The following NIM1K variants were observed in gnomAD, a reference collection of about 807,000 sequenced individuals.
NIM1K encodes the protein serine/threonine-protein kinase NIM1.
A neutral mutation model predicts 37.1 loss-of-function variants in NIM1K; 35 were observed. That is an observed-to-expected ratio of 0.94 (90% CI 0.72 to 1.25). The LOEUF (loss-of-function observed/expected upper bound fraction) is 1.25. Ranked by LOEUF, NIM1K falls within the 50% of genes most tolerant of loss-of-function variation. NIM1K has a pLI of 0.00. For missense variants in NIM1K, 564 were observed against 548.0 expected, an observed-to-expected ratio of 1.03 and a Z score of -0.29; for synonymous variants, 234 against 206.6, an observed-to-expected ratio of 1.13 and a Z score of -1.14.
At chr5:43,267,893 CCA>C (rs1482291139) in intron 2 of NIM1K, among the ~76,000 whole-genome samples, 6 of 152,100 alleles carry the variant, frequency 3.9e-5, no homozygotes, top group Admixed American at 3.3e-4. Flanking sequence ...GGAATATATT[CCA>C]TGTGCTGATG....
At chr5:43,211,704 C>T (rs772377034) in intron 1 of NIM1K, among the ~76,000 whole-genome samples, 1 of 152,170 alleles carries the variant, frequency 6.6e-6, no homozygotes, top group Non-Finnish European at 1.5e-5. Flanking sequence ...AGAACTAGAT[C>T]TTGAGGAGCT....
At chr5:43,263,850 C>A (rs1021057647) in intron 2 of NIM1K, among the ~76,000 whole-genome samples, 11 of 152,168 alleles carry the variant, frequency 7.2e-5, no homozygotes, top group Non-Finnish European at 1.3e-4. Flanking sequence ...CAAAGGACAT[C>A]TTTATTTCTG....
At chr5:43,213,112 C>T (rs1752226733) in intron 1 of NIM1K, among the ~76,000 whole-genome samples, 2 of 151,946 alleles carry the variant, frequency 1.3e-5, no homozygotes, top group Non-Finnish European at 2.9e-5. Flanking sequence ...TCTAAGTCCT[C>T]CTATTTCTGG....
chr5:43,214,961 T>A (rs559887742), intron 1 of NIM1K, among the ~76,000 whole-genome samples: 4 of 152,320 alleles, frequency 2.6e-5, no homozygotes, highest in African/African-American at 9.6e-5. Flanking sequence ...GGGGTAGATG[T>A]GAACTGAGAA....
At chr5:43,267,793 T>TCCTA in intron 2 of NIM1K, among the ~76,000 whole-genome samples, 1 of 152,362 alleles carries the variant, frequency 6.6e-6, no homozygotes, top group South Asian at 2.1e-4. Flanking sequence ...TCTAGTTTTT[T>TCCTA]CCTACTGTGG....
At chr5:43,246,372 C>A (rs1175835677) in intron 2 of NIM1K, among the ~76,000 whole-genome samples, 2 of 151,696 alleles carry the variant, frequency 1.3e-5, no homozygotes, top group Non-Finnish European at 3.0e-5. Flanking sequence ...TGCAGATAAA[C>A]CCACTCAAAC....
At chr5:43,208,498 G>A (rs1752150889) in intron 1 of NIM1K, among the ~76,000 whole-genome samples, 2 of 152,126 alleles carry the variant, frequency 1.3e-5, no homozygotes, top group African/African-American at 2.4e-5. Flanking sequence ...AGCTACTCGG[G>A]AGGCTGAGGC....
At chr5:43,225,251 C>T (rs1335227174) in intron 1 of NIM1K, among the ~76,000 whole-genome samples, 1 of 83,080 alleles carries the variant, frequency 1.2e-5, no homozygotes, top group African/African-American at 4.8e-5. Context: ...CAGAAAGAGA[C>T]CCTCTTTCCA....
rs577364816 is a variant in NIM1K at position 43,205,305 on chromosome 5, A to T, written c.-695+12894A>T. Among the ~76,000 whole-genome samples the T allele has an allele frequency of 2.0e-4, 31 of 152,358 alleles. 1 individual carries two copies. The highest frequency in any genetic ancestry group is 7.5e-4 in the African/African-American group (31 of 41,596). ...CAGTGAGAATTTTAATATCTATCTT[A>T]TAGAGTTTGTTGTAATGGTTAAATT... On this transcript the variant is annotated intron_variant, in intron 1 of 3. Coordinates refer to ENST00000326035, the MANE Select transcript of NIM1K (RefSeq NM_153361.4).
intron 1 of NIM1K, among the ~76,000 whole-genome samples, chr5:43,236,689 A>C (rs1752626949): frequency 6.6e-6 from 1 of 152,178 alleles, no homozygotes; most frequent in African/African-American, 2.4e-5. Context: ...TTGATGGCAA[A>C]GGGAACCTCA....
intron 1 of NIM1K, among the ~76,000 whole-genome samples, chr5:43,236,368 G>T (rs538710987): frequency 6.6e-6 from 1 of 151,916 alleles, no homozygotes; most frequent in Non-Finnish European, 1.5e-5. Flanking sequence ...TGTAATCCTA[G>T]CTACAAGGAG....
intron 2 of NIM1K, 72 bp from the exon 3 acceptor site, chr5:43,276,985 G>T: frequency 1.4e-6 from 2 of 1,477,988 alleles, no homozygotes; most frequent in Non-Finnish European, 1.9e-6. Context: ...GAAAGGAGCT[G>T]ATCCAGGTCC....
At chr5:43,271,626 C>A (rs961912059) in intron 2 of NIM1K, among the ~76,000 whole-genome samples, 2 of 152,124 alleles carry the variant, frequency 1.3e-5, no homozygotes, top group African/African-American at 2.4e-5. Context: ...ATAGTCATAA[C>A]CTTGATATTA....
intron 1 of NIM1K, among the ~76,000 whole-genome samples, chr5:43,236,774 G>A (rs1007795796): frequency 6.6e-6 from 1 of 152,252 alleles, no homozygotes; most frequent in Non-Finnish European, 1.5e-5. Flanking sequence ...TGGATGCTGG[G>A]TGTGAACTGG....
At chr5:43,233,291 T>A in intron 1 of NIM1K, 1 of 485,572 alleles carries the variant, frequency 2.1e-6, no homozygotes, top group Non-Finnish European at 3.5e-6. Context: ...TCTTTCCTTC[T>A]TCTAAGGCAA....
chr5:43,230,453 CTCAGATACA>C (rs1487404279), intron 1 of NIM1K, among the ~76,000 whole-genome samples: 1 of 152,050 alleles, frequency 6.6e-6, no homozygotes, highest in Non-Finnish European at 1.5e-5. Flanking sequence ...ATGACTGGAA[CTCAGATACA>C]TGGCCAAACT....
chr5:43,265,448 G>A (rs1011433684), intron 2 of NIM1K, among the ~76,000 whole-genome samples: 3 of 152,136 alleles, frequency 2.0e-5, no homozygotes, highest in Non-Finnish European at 2.9e-5. Flanking sequence ...TAGTTCTTGT[G>A]CCATGGTTTT....
intron 1 of NIM1K, among the ~76,000 whole-genome samples, chr5:43,198,207 C>CTTTCT (rs1281355308): frequency 2.0e-5 from 1 of 48,872 alleles, no homozygotes; most frequent in African/African-American, 7.9e-5. Context: ...TTCTTTCTTT[C>CTTTCT]TCTTTCTTTC....
chr5:43,270,645 AG>A (rs1019233505), intron 2 of NIM1K, among the ~76,000 whole-genome samples: 3 of 152,232 alleles, frequency 2.0e-5, no homozygotes, highest in African/African-American at 7.2e-5. Flanking sequence ...GGCGCTTTAA[AG>A]GGCCAACTGA....
Sources: gnomAD v4.1 joint callset for allele counts (sites outside exome capture counted in the v4.1 genomes callset) on GRCh38, gnomAD v4.1.1 for gene constraint, MANE v1.5 for transcripts, NCBI Gene and HGNC (gene_info 2026-07-23, HGNC 2026-07-21) for gene names.